The following TNK2 variants were observed in gnomAD, a reference collection of about 807,000 sequenced individuals.
TNK2 encodes activated CDC42 kinase 1.
Under a neutral mutation model 101.8 loss-of-function variants are expected in TNK2, and 83 were observed. That is an observed-to-expected ratio of 0.82 (90% CI 0.68 to 0.98). TNK2 has a LOEUF of 0.98. Among genes scored for constraint, TNK2 ranks in the 50% least tolerant of loss-of-function variants. TNK2 has a pLI of 0.00. For missense variants in TNK2, 1,665 were observed against 1,483.2 expected, an observed-to-expected ratio of 1.12 and a Z score of -2.01; for synonymous variants, 804 against 633.0, an observed-to-expected ratio of 1.27 and a Z score of -4.06.
chr3:195,870,424 C>A, intron 10 of TNK2: 1 of 1,394,568 alleles, frequency 7.2e-7, no homozygotes, highest in East Asian at 3.6e-5. Context: ...GGATGGAAAG[C>A]CTAGGACCTC....
chr3:195,878,935 G>T lies in TNK2; in HGVS notation c.1014+114C>A. The T allele has an allele frequency of 2.0e-6, 3 of 1,503,592 alleles. No individual in the cohort carries two copies. The highest frequency in any genetic ancestry group is 2.5e-5 in the South Asian group (2 of 81,012). 93.1% of individuals were successfully genotyped at this position (1,503,592 alleles called of 1,614,324 possible). Reference sequence around the variant, plus strand: ...GGCACGGGAAGTGGGGGGAGGCACGGGGCGTGGGAGGAGGGAGTCCATTGG... The same window carrying T: ...GGCACGGGAAGTGGGGGGAGGCACGTGGCGTGGGAGGAGGGAGTCCATTGG... On this transcript the variant is annotated intron_variant, in intron 7 of 15. Transcript: ENST00000672887. This position sits in a 1 kb window ranked among gnomAD's most constrained non-coding sequence, Gnocchi z 4.7.
chr3:195,865,881 CG>C (rs1022807444), intron 15 of TNK2, among the ~76,000 whole-genome samples: 1 of 152,178 alleles, frequency 6.6e-6, no homozygotes, highest in African/African-American at 2.4e-5. Flanking sequence ...GTCCCTTCCA[CG>C]GGGTGAGCAC....
rs762035035 is a variant in TNK2 at position 195,872,477 on chromosome 3, G to T, written c.1257-7C>A. The T allele has an allele frequency of 6.4e-7, 1 of 1,573,308 alleles. No homozygotes were observed. The highest frequency in any genetic ancestry group is 1.2e-5 in the South Asian group (1 of 84,856). On this transcript the variant is annotated splice_region_variant and splice_polypyrimidine_tract_variant and intron_variant, in intron 9 of 15. Transcript: ENST00000672887. ...CCACCAGTAGTTCTCGGCCCTGCGC[G>T]ACAGAGATGGCACGGTGAACGCCAG...
chr3:195,882,962 G>C lies in TNK2; in HGVS notation c.609+195C>G, dbSNP rs1048424442. On this transcript the variant is annotated intron_variant, in intron 5 of 15. Transcript: ENST00000672887. The surrounding 1 kb of genome is among the most constrained non-coding windows in gnomAD (Gnocchi z 4.2). ...ACACTGAGCACCAGCAAAATCCAGAGACAGACCCGGACTGGACCGCAGCAG... is the reference window on the plus strand; with the variant it reads ...ACACTGAGCACCAGCAAAATCCAGACACAGACCCGGACTGGACCGCAGCAG... 2.5e-4 allele frequency among the ~76,000 whole-genome samples: 38 copies of C among 152,148 alleles called. No homozygotes were observed. Among genetic ancestry groups the C allele is most frequent in the Admixed American group, 2.5e-3 (38 of 15,270 alleles).
At position 195,887,010 on chromosome 3, in the gene TNK2, C is replaced by T. The variant is rs769530566; in HGVS notation, c.201G>A (p.Lys67=). The T allele has an allele frequency of 5.6e-6, 9 of 1,614,132 alleles. No individual in the cohort carries two copies. The highest frequency in any genetic ancestry group is 6.8e-6 in the Non-Finnish European group (8 of 1,180,054). ...RRLWEAVKRR[K]ALCKRKSWMS... Reference sequence around the variant, plus strand: ...TCCACGACTTGCGTTTGCACAAGGCCTTCCTCCTCTTCACAGCCTCCCACA... The same window carrying T: ...TCCACGACTTGCGTTTGCACAAGGCTTTCCTCCTCTTCACAGCCTCCCACA... The change falls in exon 3 of 16, where the codon AAG becomes AAA. Residue 67 remains lysine, a synonymous_variant. Transcript: ENST00000672887.
chr3:195,892,276 G>A, intron 1 of TNK2: 1 of 901,960 alleles, frequency 1.1e-6, no homozygotes, highest in Non-Finnish European at 1.6e-6. Context: ...AGGCCACTTG[G>A]CCCGGACTCC....
chr3:195,892,798 G>A lies in TNK2; in HGVS notation c.-18-4192C>T, dbSNP rs1411573688. 54 of 1,000,398 alleles carry A rather than the reference G, an allele frequency of 5.4e-5. No homozygotes were observed. In the East Asian group the frequency reaches 5.9e-4, roughly 11 times the overall value. The allele number at this position is 1,000,398 out of a possible 1,614,324, so 62.0% of individuals were successfully genotyped here. On this transcript the variant is annotated intron_variant, in intron 1 of 15. Transcript: ENST00000672887. Reference sequence around the variant, plus strand: ...TCCCCACCCAACTGCCCGCCCGGCCGCCCTCCCTCTTGCCTGCCTCTCTCT... The same window carrying A: ...TCCCCACCCAACTGCCCGCCCGGCCACCCTCCCTCTTGCCTGCCTCTCTCT...
At chr3:195,864,762 A>G (rs1326977509) in intron 15 of TNK2, among the ~76,000 whole-genome samples, 20 of 132,054 alleles carry the variant, frequency 1.5e-4, no homozygotes, top group East Asian at 7.4e-4. Context: ...CCTGCGTCCC[A>G]GGTGCAAATC....
At position 195,884,989 on chromosome 3, in the gene TNK2, G is replaced by C; in HGVS notation, c.279C>G (p.His93Gln). ...AGGTCTTCCGGAAGGTGCTCTGAGA[G>C]TGATGAGGTGGGAACTCAGCCTCCA... is the stretch of plus-strand genomic sequence containing the variant. ...KRLEAEFPPH[H>Q]SQSTFRKTSP... The change falls in exon 4 of 16, where the codon CAC becomes CAG. Residue 93 changes from histidine (H) to glutamine (Q), a missense_variant. By Grantham distance (24) the His-to-Gln change is conservative (BLOSUM62 0). Around this residue, in one of 3 missense-constraint regions of TNK2, gnomAD observed 490 missense variants for 522.5 expected, o/e 0.94. Transcript: ENST00000672887. 1 of 1,612,548 alleles carries C rather than the reference G, an allele frequency of 6.2e-7. No homozygotes were observed. The highest frequency in any genetic ancestry group is 8.5e-7 in the Non-Finnish European group (1 of 1,179,162).
At chr3:195,892,905 G>A (rs747082991) in intron 1 of TNK2, 47 of 279,118 alleles carry the variant, frequency 1.7e-4, no homozygotes, top group Admixed American at 2.5e-4. Context: ...CCAAGAGGGC[G>A]GCAGGAATGG....
chr3:195,895,343 G>GCCCGCAGCCCCCGC (rs768139300), intron 1 of TNK2: 2 of 1,562,094 alleles, frequency 1.3e-6, no homozygotes, highest in Non-Finnish European at 1.7e-6. Context: ...GAGAAGCAGC[G>GCCCGCAGCCCCCGC]CCCGCAGCCC....
chr3:195,864,320 T>C, intron 15 of TNK2, 133 bp from the exon 16 acceptor site: 3 of 914,460 alleles, frequency 3.3e-6, no homozygotes, highest in Non-Finnish European at 5.2e-6. Flanking sequence ...GTAAAATTTA[T>C]CATCCTGGAT....
Position 195,868,430 on chromosome 3 carries a change from G to A in TNK2, c.1868C>T (p.Pro623Leu), listed in dbSNP as rs1419574236. The A allele has an allele frequency of 2.6e-6, 4 of 1,568,240 alleles. No individual in the cohort carries two copies. The highest frequency in any genetic ancestry group is 1.4e-5 in the African/African-American group (1 of 73,434). ...SLLDETPPQS[P>L]TRALPRPLHP... ...CAGGGGCCGGGGCAGTGCCCGCGTG[G>A]GGCTCTGAGGCGGGGTCTCGTCCAG... Residue 623 changes from proline (P) to leucine (L), a missense_variant, in exon 13 of 16, where the codon CCC (proline) becomes CTC (leucine). Around this residue, in one of 3 missense-constraint regions of TNK2, gnomAD observed 1,136 missense variants for 894.9 expected, o/e 1.27. Coordinates refer to ENST00000672887, the MANE Select transcript of TNK2 (RefSeq NM_001382273.1).
chr3:195,869,625 G>A, intron 11 of TNK2, 84 bp from the exon 12 acceptor site: 4 of 1,329,376 alleles, frequency 3.0e-6, no homozygotes, highest in South Asian at 2.5e-5. Flanking sequence ...CGAGAGGGCA[G>A]AGTGTAGAGA....
At position 195,885,781 on chromosome 3, in the gene TNK2, C is replaced by T; in HGVS notation, c.235-748G>A. ...AGGAGGCCATGAGGGTCAAAGCTGG[C>T]CACGTCGGTCTGACTCGGCCTCCAC... On this transcript the variant is annotated intron_variant, in intron 3 of 15. Coordinates refer to ENST00000672887, the MANE Select transcript of TNK2 (RefSeq NM_001382273.1). This position sits in a 1 kb window ranked among gnomAD's most constrained non-coding sequence, Gnocchi z 4.7. The T allele has an allele frequency of 5.5e-6, 2 of 362,864 alleles. No individual in the cohort carries two copies. The highest frequency in any genetic ancestry group is 5.3e-6 in the Non-Finnish European group (1 of 188,506). The allele number at this position is 362,864 out of a possible 1,614,324, so 22.5% of individuals were successfully genotyped here.
In TNK2 at chr3:195,891,057, A is replaced by G. The variant is rs1402939697; in HGVS notation, c.-18-2451T>C. On this transcript the variant is annotated intron_variant, in intron 1 of 15. Coordinates refer to ENST00000672887, the MANE Select transcript of TNK2 (RefSeq NM_001382273.1). ...CACTGTGTTGCTTGTTTCACTGTAC[A>G]CAGGTTAACATGTTAATATAACAGG... is the stretch of plus-strand genomic sequence containing the variant. 2.0e-5 allele frequency among the ~76,000 whole-genome samples: 3 copies of G among 152,350 alleles called. No homozygotes were observed. The East Asian group carries it at 5.8e-4, about 29-fold the overall frequency.
intron 10 of TNK2, chr3:195,870,436 G>A: frequency 2.9e-6 from 4 of 1,373,374 alleles, no homozygotes; most frequent in Non-Finnish European, 2.9e-6. Flanking sequence ...TAGGACCTCA[G>A]GGACTCCAAC....
At chr3:195,866,789 CG>C in intron 15 of TNK2, 99 bp downstream of exon 15, 2 of 1,491,578 alleles carry the variant, frequency 1.3e-6, no homozygotes, top group Non-Finnish European at 1.8e-6. Context: ...TCTCCCTGGC[CG>C]GGAGCGGCCT....
intron 9 of TNK2, among the ~76,000 whole-genome samples, chr3:195,874,430 G>A (rs966062603): frequency 6.6e-6 from 1 of 152,250 alleles, no homozygotes; most frequent in Non-Finnish European, 1.5e-5. Context: ...CACCACTCGA[G>A]AAAACATGCT....
Sources: gnomAD v4.1 joint callset for allele counts (sites outside exome capture counted in the v4.1 genomes callset) on GRCh38, gnomAD v4.1.1 for gene constraint, gnomAD v4.1.1 regional missense constraint, Gnocchi (gnomAD v3.1) non-coding constraint, MANE v1.5 for transcripts, NCBI Gene and HGNC (gene_info 2026-07-23, HGNC 2026-07-21) for gene names.